CD48: variants seen among roughly 807,000 people sequenced by gnomAD.
CD48 encodes CD48 antigen.
CD48 carries 20 observed loss-of-function variants against 22.0 expected under a neutral mutation model. That is an observed-to-expected ratio of 0.91 (90% CI 0.64 to 1.32). CD48 has a LOEUF of 1.32. Ranked by LOEUF, CD48 falls within the 40% of genes most tolerant of loss-of-function variation. The pLI is 0.00. For synonymous variants in CD48, 110 were observed against 110.1 expected (o/e 1.00, Z 0.01); for missense variants, 307 against 286.5 (o/e 1.07, Z -0.52).
chr1:160,707,609 G>T (rs920627111), intron 1 of CD48, among the ~76,000 whole-genome samples: 2 of 152,098 alleles, frequency 1.3e-5, no homozygotes, highest in Non-Finnish European at 2.9e-5. Context: ...CTCTAGTTTC[G>T]ATTTCTTCTG....
intron 1 of CD48, among the ~76,000 whole-genome samples, chr1:160,706,932 C>A (rs139142276): frequency 6.6e-6 from 1 of 152,096 alleles, no homozygotes; most frequent in Non-Finnish European, 1.5e-5. Flanking sequence ...TTGGTTTCCT[C>A]ATATATTGAG....
intron 2 of CD48, among the ~76,000 whole-genome samples, chr1:160,682,555 G>T (rs573029445): frequency 2.7e-5 from 4 of 150,322 alleles, no homozygotes; most frequent in Non-Finnish European, 5.9e-5. Context: ...AGGGAGGGAG[G>T]CAAGTAGACA....
intron 1 of CD48, among the ~76,000 whole-genome samples, chr1:160,706,358 A>G (rs58767334): frequency 0.035 from 5,315 of 152,166 alleles, 130 homozygotes; most frequent in African/African-American, 0.07. Flanking sequence ...ACAGGTGTGA[A>G]CCACCATGCT....
intron 3 of CD48, chr1:160,680,404 T>C (rs1156534156): frequency 5.0e-6 from 1 of 200,488 alleles, no homozygotes; most frequent in Non-Finnish European, 8.9e-6. Flanking sequence ...TCTTGTCTCA[T>C]TGAATCCTTA....
At chr1:160,703,365 A>T (rs544558334) in intron 1 of CD48, among the ~76,000 whole-genome samples, 10 of 152,288 alleles carry the variant, frequency 6.6e-5, no homozygotes, top group South Asian at 4.1e-4. Context: ...AAATTCTTTT[A>T]AAAAAGGTAA....
chr1:160,696,449 C>T (rs1326759559), intron 1 of CD48, among the ~76,000 whole-genome samples: 2 of 152,256 alleles, frequency 1.3e-5, no homozygotes, highest in Non-Finnish European at 2.9e-5. Flanking sequence ...TTGACTAAAG[C>T]AAATGAACAA....
chr1:160,696,624 A>C (rs1400471960), intron 1 of CD48, among the ~76,000 whole-genome samples: 1 of 151,706 alleles, frequency 6.6e-6, no homozygotes, highest in African/African-American at 2.4e-5. Context: ...TGCCCACTCA[A>C]GAGGCAGGAG....
At position 160,681,254 on chromosome 1, in the gene CD48, A is replaced by G. The variant is rs761193419; in HGVS notation, c.600T>C (p.Asn200=). 4.3e-6 allele frequency: 7 copies of G among 1,614,032 alleles called. No individual in the cohort carries two copies. The African/African-American group carries it at 9.3e-5, about 22-fold the overall frequency. Residue 200 remains asparagine, a synonymous_variant, in exon 3 of 4, where the codon AAT becomes AAC. Coordinates refer to ENST00000368046, the MANE Select transcript of CD48 (RefSeq NM_001778.4). ...YSRCYTCQVS[N]SVSSKNGTVC... Reference sequence around the variant, plus strand: ...CCGTGCCATTCTTGCTGCTCACAGAATTGCTGACTTGGCAAGTATAACACC... The same window carrying G: ...CCGTGCCATTCTTGCTGCTCACAGAGTTGCTGACTTGGCAAGTATAACACC...
At chr1:160,685,928 T>C (rs1363087488) in intron 1 of CD48, among the ~76,000 whole-genome samples, 1 of 152,140 alleles carries the variant, frequency 6.6e-6, no homozygotes, top group Non-Finnish European at 1.5e-5. Context: ...ACAAAAAGGG[T>C]ATGATTGAAT....
intron 1 of CD48, among the ~76,000 whole-genome samples, chr1:160,708,359 A>G (rs766588496): frequency 2.2e-4 from 34 of 152,194 alleles, no homozygotes; most frequent in Non-Finnish European, 4.0e-4. Flanking sequence ...TTTAAGCAGA[A>G]GAGTGATGCA....
intron 1 of CD48, among the ~76,000 whole-genome samples, chr1:160,698,156 A>G (rs1211656592): frequency 6.6e-6 from 1 of 152,152 alleles, no homozygotes. Context: ...GCCCCCTTAT[A>G]TGCTAGTTGT....
intron 1 of CD48, among the ~76,000 whole-genome samples, chr1:160,710,763 G>C (rs955680824): frequency 3.9e-5 from 6 of 152,164 alleles, no homozygotes; most frequent in Admixed American, 3.9e-4. Flanking sequence ...GAATATGTGA[G>C]AGACCGATCC....
chr1:160,693,300 G>A (rs199545671), intron 1 of CD48, among the ~76,000 whole-genome samples: 8 of 142,530 alleles, frequency 5.6e-5, no homozygotes, highest in Middle Eastern at 7.5e-3. Flanking sequence ...GAAAAAGCCC[G>A]TAAGGTCATA....
intron 1 of CD48, among the ~76,000 whole-genome samples, chr1:160,696,926 TATAATTC>T (rs1216675568): frequency 6.7e-6 from 1 of 149,982 alleles, no homozygotes; most frequent in Admixed American, 6.7e-5. Flanking sequence ...AGGAATTCCT[TATAATTC>T]CCAAGGACAG....
At chr1:160,704,343 A>G (rs537767130) in intron 1 of CD48, among the ~76,000 whole-genome samples, 8 of 152,306 alleles carry the variant, frequency 5.3e-5, no homozygotes, top group African/African-American at 1.9e-4. Flanking sequence ...AGTTATGGGC[A>G]TTTTGAGGTC....
chr1:160,684,773 C>A, intron 2 of CD48, 114 bp downstream of exon 2: 1 of 1,612,228 alleles, frequency 6.2e-7, no homozygotes, highest in Non-Finnish European at 8.5e-7. Flanking sequence ...CAAACCTGTC[C>A]TGAGGTTTTT....
chr1:160,698,899 T>C (rs954879315), intron 1 of CD48: 27 of 152,808 alleles, frequency 1.8e-4, no homozygotes, highest in African/African-American at 6.5e-4. Flanking sequence ...CCATCAGAAG[T>C]ACTATGATTA....
intron 2 of CD48, chr1:160,684,134 G>A (rs1219507248): frequency 6.6e-6 from 1 of 152,208 alleles, no homozygotes; most frequent in Non-Finnish European, 1.5e-5. Context: ...TAGGGGTTCT[G>A]GCCCGAACCT....
At chr1:160,683,595 C>T (rs1661887072) in intron 2 of CD48, 1 of 150,792 alleles carries the variant, frequency 6.6e-6, no homozygotes, top group Non-Finnish European at 1.5e-5. Context: ...CTTTTTGTTC[C>T]CAGGACTTTC....
Sources: gnomAD v4.1 joint callset for allele counts (sites outside exome capture counted in the v4.1 genomes callset) on GRCh38, gnomAD v4.1.1 for gene constraint, MANE v1.5 for transcripts, NCBI Gene and HGNC (gene_info 2026-07-23, HGNC 2026-07-21) for gene names.